GRB14: variants seen among roughly 807,000 people sequenced by gnomAD.
GRB14 encodes growth factor receptor-bound protein 14.
GRB14 carries 38 observed loss-of-function variants against 69.1 expected under a neutral mutation model. That is an observed-to-expected ratio of 0.55 (90% CI 0.42 to 0.72). The LOEUF (loss-of-function observed/expected upper bound fraction) is 0.72. Ranked by LOEUF, GRB14 falls within the 30% of genes least tolerant of loss-of-function variation. The probability of loss-of-function intolerance (pLI) is 0.00; values close to 1 mark genes in which losing one functional copy is unlikely to be tolerated. For missense variants in GRB14, 666 were observed against 666.1 expected, an observed-to-expected ratio of 1.00 and a Z score of 0.00; for synonymous variants, 247 against 241.3, an observed-to-expected ratio of 1.02 and a Z score of -0.22.
chr2:164,601,845 C>T lies in GRB14; in HGVS notation c.324+17842G>A, dbSNP rs565505294. ...TAACAGTTTTGAAGAACTGTTTTTCCCAAAGAAGTAAAAAATATTTTTATA... is the reference window on the plus strand; with the variant it reads ...TAACAGTTTTGAAGAACTGTTTTTCTCAAAGAAGTAAAAAATATTTTTATA... On this transcript the variant is annotated intron_variant, in intron 2 of 13. Coordinates refer to ENST00000263915, the MANE Select transcript of GRB14 (RefSeq NM_004490.3). Among the ~76,000 whole-genome samples, 6 of 151,764 alleles carry T rather than the reference C, an allele frequency of 4.0e-5. No individual in the cohort carries two copies. In the East Asian group the frequency reaches 7.7e-4, roughly 20 times the overall value.
chr2:164,602,106 G>T (rs1212531999), intron 2 of GRB14, among the ~76,000 whole-genome samples: 3 of 146,782 alleles, frequency 2.0e-5, no homozygotes, highest in Admixed American at 6.9e-5. Flanking sequence ...AACACTTTTT[G>T]TGTGTCTCCA....
intron 2 of GRB14, among the ~76,000 whole-genome samples, chr2:164,590,319 G>A (rs188704114): frequency 6.6e-6 from 1 of 152,130 alleles, no homozygotes; most frequent in Non-Finnish European, 1.5e-5. Flanking sequence ...AAGGAATTAA[G>A]ACCAGTCACC....
intron 3 of GRB14, among the ~76,000 whole-genome samples, chr2:164,527,498 TTC>T (rs1251002185): frequency 3.3e-5 from 5 of 151,818 alleles, no homozygotes; most frequent in Non-Finnish European, 7.4e-5. Flanking sequence ...AACTATTTTT[TTC>T]TCTGACTCAT....
chr2:164,538,342 T>C (rs916439643), intron 3 of GRB14, among the ~76,000 whole-genome samples: 3 of 152,166 alleles, frequency 2.0e-5, no homozygotes, highest in African/African-American at 7.2e-5. Context: ...AAGACAAACA[T>C]GGATCCCATT....
chr2:164,537,719 C>A (rs1304024266), intron 3 of GRB14, among the ~76,000 whole-genome samples: 1 of 152,154 alleles, frequency 6.6e-6, no homozygotes, highest in Admixed American at 6.5e-5. Flanking sequence ...GAATCAGAAG[C>A]AGATTTAGTT....
At chr2:164,563,978 A>G (rs978465677) in intron 2 of GRB14, among the ~76,000 whole-genome samples, 3 of 152,200 alleles carry the variant, frequency 2.0e-5, no homozygotes, top group African/African-American at 7.2e-5. Context: ...TTAAAAGGTA[A>G]TAATAAAATT....
At chr2:164,521,129 G>C (rs938558984) in intron 6 of GRB14, among the ~76,000 whole-genome samples, 19 of 152,048 alleles carry the variant, frequency 1.2e-4, no homozygotes, top group Non-Finnish European at 2.8e-4. Context: ...TCAACGAGTG[G>C]ATAAAGAAAT....
intron 2 of GRB14, among the ~76,000 whole-genome samples, chr2:164,605,042 A>G (rs1574350790): frequency 6.6e-6 from 1 of 152,332 alleles, no homozygotes; most frequent in East Asian, 1.9e-4. Context: ...AATGAATTTT[A>G]TCTCCTTAAT....
At chr2:164,560,245 C>G (rs1688787274) in intron 2 of GRB14, among the ~76,000 whole-genome samples, 1 of 152,162 alleles carries the variant, frequency 6.6e-6, no homozygotes, top group Non-Finnish European at 1.5e-5. Context: ...AACACTAGAA[C>G]ATAATTAGAT....
At chr2:164,594,786 AT>A (rs891709201) in intron 2 of GRB14, among the ~76,000 whole-genome samples, 9 of 152,174 alleles carry the variant, frequency 5.9e-5, no homozygotes, top group African/African-American at 2.2e-4. Flanking sequence ...CCCACTAAAT[AT>A]TTTCCTTTAA....
At chr2:164,538,782 C>A (rs1177702515) in intron 3 of GRB14, among the ~76,000 whole-genome samples, 1 of 152,126 alleles carries the variant, frequency 6.6e-6, no homozygotes, top group Non-Finnish European at 1.5e-5. Context: ...TGTACAAATT[C>A]AAAAACAGGT....
intron 2 of GRB14, among the ~76,000 whole-genome samples, chr2:164,554,006 C>T (rs1421450956): frequency 1.3e-5 from 2 of 152,032 alleles, no homozygotes; most frequent in African/African-American, 4.8e-5. Context: ...AGCCTTAACT[C>T]TCTAGTAGAG....
chr2:164,522,257 T>C (rs1334713514), intron 5 of GRB14, 140 bp from the exon 6 acceptor site: 1 of 604,434 alleles, frequency 1.7e-6, no homozygotes, highest in African/African-American at 1.9e-5. Context: ...TAATTAACTA[T>C]GTGTTTGTGT....
intron 2 of GRB14, among the ~76,000 whole-genome samples, chr2:164,574,392 C>A (rs915612657): frequency 3.3e-5 from 5 of 151,980 alleles, no homozygotes; most frequent in African/African-American, 1.2e-4. Flanking sequence ...CAGGCATGCA[C>A]TACCATGCCC....
intron 2 of GRB14, among the ~76,000 whole-genome samples, chr2:164,551,619 A>C (rs936961195): frequency 4.6e-5 from 7 of 152,152 alleles, no homozygotes; most frequent in African/African-American, 1.7e-4. Flanking sequence ...TGCACGTGTG[A>C]TTCCTTCTAC....
chr2:164,530,823 T>C (rs1687913492), intron 3 of GRB14, among the ~76,000 whole-genome samples: 1 of 152,158 alleles, frequency 6.6e-6, no homozygotes, highest in African/African-American at 2.4e-5. Context: ...TCCTCTGTGT[T>C]AGATGGGAAG....
At chr2:164,520,349 A>G (rs1687606943) in intron 6 of GRB14, among the ~76,000 whole-genome samples, 1 of 152,152 alleles carries the variant, frequency 6.6e-6, no homozygotes, top group South Asian at 2.1e-4. Flanking sequence ...TTATACAAAA[A>G]TCAACTCAAG....
At chr2:164,610,246 C>T (rs1690135662) in intron 2 of GRB14, among the ~76,000 whole-genome samples, 1 of 152,218 alleles carries the variant, frequency 6.6e-6, no homozygotes, top group Non-Finnish European at 1.5e-5. Context: ...GCATATACCT[C>T]TTGCTCTGAG....
At chr2:164,576,340 G>T (rs1158670751) in intron 2 of GRB14, among the ~76,000 whole-genome samples, 4 of 151,118 alleles carry the variant, frequency 2.6e-5, no homozygotes, top group Admixed American at 6.6e-5. Flanking sequence ...TAATAAAATA[G>T]ATTTAATTGC....
Sources: gnomAD v4.1 joint callset for allele counts (sites outside exome capture counted in the v4.1 genomes callset) on GRCh38, gnomAD v4.1.1 for gene constraint, MANE v1.5 for transcripts, NCBI Gene and HGNC (gene_info 2026-07-23, HGNC 2026-07-21) for gene names.